PRRG1: variants seen among roughly 807,000 people sequenced by gnomAD.
PRRG1 encodes transmembrane gamma-carboxyglutamic acid protein 1.
PRRG1 carries 5 observed loss-of-function variants against 11.8 expected under a neutral mutation model. That is an observed-to-expected ratio of 0.42 (90% CI 0.22 to 0.89). The LOEUF (loss-of-function observed/expected upper bound fraction) is 0.89, where lower values mean the gene tolerates loss of function less well. Ranked by LOEUF, PRRG1 falls within the 40% of genes least tolerant of loss-of-function variation. PRRG1 has a pLI of 0.28. For synonymous variants in PRRG1, 66 were observed against 60.4 expected, an observed-to-expected ratio of 1.09 and a Z score of -0.43; for missense variants, 155 against 166.1, an observed-to-expected ratio of 0.93 and a Z score of 0.37.
At chrX:37,359,875 T>C (rs1047150426) in intron 1 of PRRG1, among the ~76,000 whole-genome samples, 5 of 112,161 alleles carry the variant, frequency 4.5e-5, no homozygotes, top group Non-Finnish European at 9.4e-5. Flanking sequence ...TTGGTCCATT[T>C]CAAGGAATTG....
rs185030484 is a variant in PRRG1 at position 37,418,574 on chromosome X, C to A, written c.11-7266C>A. Among the ~76,000 whole-genome samples, 388 of 111,700 alleles carry A rather than the reference C, an allele frequency of 3.5e-3. 4 individuals are homozygous for A. Among genetic ancestry groups the A allele is most frequent in the African/African-American group, 0.012 (379 of 30,824 alleles). The stretch of plus-strand genomic sequence containing the variant: ...ACATGATTTAAAAGATTTTTAAAAA[C>A]CATATTTTTATAGAAATAGCTCTAA... On this transcript the variant is annotated intron_variant, in intron 2 of 3. Transcript: ENST00000378628.
intron 3 of PRRG1, among the ~76,000 whole-genome samples, chrX:37,426,842 T>C (rs1556388560): frequency 8.9e-6 from 1 of 112,425 alleles, no homozygotes; most frequent in Non-Finnish European, 1.9e-5. Flanking sequence ...GTTGGTTTTA[T>C]TTTATTTTAT....
At chrX:37,395,971 A>G (rs1556378027) in intron 1 of PRRG1, among the ~76,000 whole-genome samples, 1 of 111,912 alleles carries the variant, frequency 8.9e-6, no homozygotes, top group Admixed American at 9.5e-5. Flanking sequence ...GCTCCCAGGA[A>G]ATTGATATAA....
chrX:37,362,676 A>G (rs1471596990), intron 1 of PRRG1, among the ~76,000 whole-genome samples: 3 of 111,820 alleles, frequency 2.7e-5, no homozygotes, highest in Non-Finnish European at 5.6e-5. Context: ...ACCAGGGGTC[A>G]GACCATCATA....
chrX:37,351,788 T>C (rs1556364942), intron 1 of PRRG1, among the ~76,000 whole-genome samples: 2 of 112,547 alleles, frequency 1.8e-5, no homozygotes, highest in Non-Finnish European at 3.8e-5. Context: ...AATTAACTAT[T>C]TGTAGAAAGA....
At chrX:37,400,546 G>C (rs1341777853) in intron 1 of PRRG1, among the ~76,000 whole-genome samples, 2 of 110,989 alleles carry the variant, frequency 1.8e-5, no homozygotes, top group African/African-American at 6.6e-5. Flanking sequence ...ATCCAAAATT[G>C]ACACACTAAC....
chrX:37,449,986 T>C (rs1048150425), intron 3 of PRRG1, among the ~76,000 whole-genome samples: 1 of 112,787 alleles, frequency 8.9e-6, no homozygotes, highest in Non-Finnish European at 1.9e-5. Flanking sequence ...TCTGACCCTC[T>C]GGCCTAAAGG....
chrX:37,423,131 C>G (rs1932706919), intron 2 of PRRG1, among the ~76,000 whole-genome samples: 1 of 109,969 alleles, frequency 9.1e-6, no homozygotes, highest in Admixed American at 9.7e-5. Context: ...GAGGCCTAGG[C>G]TAATGTGTGT....
At chrX:37,369,153 A>G (rs1930677327) in intron 1 of PRRG1, among the ~76,000 whole-genome samples, 1 of 112,230 alleles carries the variant, frequency 8.9e-6, no homozygotes, top group Non-Finnish European at 1.9e-5. Context: ...GAGTATCCCA[A>G]TTCCATCTGG....
At chrX:37,411,579 G>T (rs1556383907) in intron 2 of PRRG1, among the ~76,000 whole-genome samples, 1 of 111,601 alleles carries the variant, frequency 9.0e-6, no homozygotes, top group Non-Finnish European at 1.9e-5. Context: ...TAAAAATATA[G>T]CTACTTTCCA....
chrX:37,441,599 A>G (rs1932980768), intron 3 of PRRG1: 4 of 789,096 alleles, frequency 5.1e-6, no homozygotes, highest in African/African-American at 2.3e-5. Context: ...AACCACGTCA[A>G]CCTGGAGTTG....
In PRRG1 at chrX:37,411,297, G is replaced by C. The variant is rs782494354; in HGVS notation, c.10+5038G>C. On this transcript the variant is annotated intron_variant, in intron 2 of 3. Transcript: ENST00000378628. ...TTATATAAGGGACTTGAGCATTTTG[G>C]TATCTGTGGAAGTCCTGGAACCAAT... Among the ~76,000 whole-genome samples the C allele has an allele frequency of 2.0e-4, 22 of 111,602 alleles. No homozygotes were observed. In the South Asian group the frequency reaches 6.8e-3, roughly 34 times the overall value.
Position 37,455,677 on chromosome X carries a change from C to A in PRRG1, c.*2056C>A, listed in dbSNP as rs1232265215. 3.6e-5 allele frequency: 4 copies of A among 112,540 alleles called. No homozygotes were observed. Among genetic ancestry groups the A allele is most frequent in the African/African-American group, 1.3e-4 (4 of 30,990 alleles). The allele number at this position is 112,540 out of a possible 1,213,427, so 9.3% of individuals were successfully genotyped here. A position where few individuals can be genotyped will look rare whatever the true frequency, so the allele number is the denominator to read the frequency against. On this transcript the variant is annotated 3_prime_UTR_variant, in exon 4 of 4. Transcript: ENST00000378628. ...CTAAAAATGATTGATTGTATCTTGACCCTGGTCTCAGAAATGACATTTTTA... is the reference window on the plus strand; with the variant it reads ...CTAAAAATGATTGATTGTATCTTGAACCTGGTCTCAGAAATGACATTTTTA...
chrX:37,415,396 A>G (rs969978454), intron 2 of PRRG1, among the ~76,000 whole-genome samples: 13 of 111,415 alleles, frequency 1.2e-4, no homozygotes, highest in African/African-American at 4.3e-4. Context: ...TGATGGAGTG[A>G]GACTCTGTCT....
intron 2 of PRRG1, among the ~76,000 whole-genome samples, chrX:37,420,393 A>C (rs943702966): frequency 4.5e-5 from 5 of 111,568 alleles, no homozygotes; most frequent in African/African-American, 1.6e-4. Context: ...AGGGTTGCAC[A>C]ATAGGTCTAG....
At position 37,441,432 on chromosome X, in the gene PRRG1, C is replaced by T. The variant is rs980456090; in HGVS notation, c.172-11704C>T. On this transcript the variant is annotated intron_variant, in intron 3 of 3. Transcript: ENST00000378628. ...GATAATGGACCCAAATACCCACTTC[C>T]GGCCCTTTCCGCCATTAGCCATCCG... 43 of 753,335 alleles carry T rather than the reference C, an allele frequency of 5.7e-5. No individual in the cohort carries two copies. In the African/African-American group the frequency reaches 9.7e-4, roughly 17 times the overall value. 62.1% of individuals were successfully genotyped at this position (753,335 alleles called of 1,213,427 possible).
Position 37,361,067 on chromosome X carries a change from G to T in PRRG1, c.-42+11672G>T, listed in dbSNP as rs185107145. On this transcript the variant is annotated intron_variant, in intron 1 of 3. Coordinates refer to ENST00000378628, the MANE Select transcript of PRRG1 (RefSeq NM_001142395.2). ...AGCTCTTAAAAATGCTCAAGGCCGG[G>T]TGCGGTGGCTCACGCCTGTAATCCC... 3.0e-3 allele frequency among the ~76,000 whole-genome samples: 334 copies of T among 112,540 alleles called. 1 individual carries two copies. Among genetic ancestry groups the T allele is most frequent in the Middle Eastern group, 0.014 (3 of 218 alleles).
intron 2 of PRRG1, among the ~76,000 whole-genome samples, chrX:37,415,627 G>A (rs116287638): frequency 0.038 from 4,224 of 111,578 alleles, 199 homozygotes; most frequent in African/African-American, 0.13. Context: ...GCTGCCAATA[G>A]TTAAAGGCAT....
At position 37,401,921 on chromosome X, in the gene PRRG1, C is replaced by G. The variant is rs202173596; in HGVS notation, c.-41-4288C>G. ...GAGAATAAAATACCTAGGAATCCAA[C>G]TTACAAGGGATGTGAAGGACCTCTT... On this transcript the variant is annotated intron_variant, in intron 1 of 3. Transcript: ENST00000378628. Among the ~76,000 whole-genome samples, 161 of 110,608 alleles carry G rather than the reference C, an allele frequency of 1.5e-3. 1 individual carries two copies. The East Asian group carries it at 0.042, about 29-fold the overall frequency.
Sources: gnomAD v4.1 joint callset for allele counts (sites outside exome capture counted in the v4.1 genomes callset) on GRCh38, gnomAD v4.1.1 for gene constraint, MANE v1.5 for transcripts, NCBI Gene and HGNC (gene_info 2026-07-23, HGNC 2026-07-21) for gene names.